ARHGEF12: variants seen among roughly 807,000 people sequenced by gnomAD.
ARHGEF12 encodes the protein Rho guanine nucleotide exchange factor 12.
In ARHGEF12, 66 loss-of-function variants were observed where a neutral mutation model predicts 211.2. That is an observed-to-expected ratio of 0.31 (90% confidence interval 0.26 to 0.38). The LOEUF (loss-of-function observed/expected upper bound fraction) is 0.38. ARHGEF12 is among the 10% of genes least tolerant of loss of function. The probability of loss-of-function intolerance (pLI) is 1.00; values close to 1 mark genes in which losing one functional copy is unlikely to be tolerated. For missense variants in ARHGEF12, 1,429 were observed against 1,869.5 expected (o/e 0.76, Z 4.34); for synonymous variants, 592 against 638.4 (o/e 0.93, Z 1.09).
chr11:120,433,827 A>T (rs926131052), intron 11 of ARHGEF12, among the ~76,000 whole-genome samples: 15 of 152,116 alleles, frequency 9.9e-5, no homozygotes, highest in African/African-American at 3.6e-4. Flanking sequence ...GTGTGGTGGC[A>T]CACGCCTGTA....
chr11:120,486,352 G>A lies in ARHGEF12; in HGVS notation c.*1275G>A, dbSNP rs546980663. On this transcript the variant is annotated 3_prime_UTR_variant, in exon 41 of 41. Transcript: ENST00000397843. The stretch of plus-strand genomic sequence containing the variant: ...AAGCACGTCCTCTGACTTCACTGCC[G>A]CAGCTCTTTCCACACGGGGCCGTGA... 20 of 233,008 alleles carry A rather than the reference G, an allele frequency of 8.6e-5. No individual in the cohort carries two copies. Among genetic ancestry groups the A allele is most frequent in the East Asian group, 4.8e-4 (8 of 16,508 alleles). 14.4% of individuals were successfully genotyped at this position (233,008 alleles called of 1,614,324 possible). A position where few individuals can be genotyped will look rare whatever the true frequency, so the allele number is the denominator to read the frequency against.
At chr11:120,458,039 C>T (rs1946418680) in intron 24 of ARHGEF12, 41 bp from the exon 25 acceptor site, 6 of 1,585,880 alleles carry the variant, frequency 3.8e-6, no homozygotes, top group East Asian at 2.2e-5. Flanking sequence ...TCATTGTCCA[C>T]CTAAAGTCTT....
intron 1 of ARHGEF12, among the ~76,000 whole-genome samples, chr11:120,387,535 A>G (rs1944076101): frequency 6.6e-6 from 1 of 152,136 alleles, no homozygotes; most frequent in Admixed American, 6.5e-5. Context: ...TCTTTCTATT[A>G]CAGTGATCCT....
At chr11:120,474,775 A>G (rs557650545) in intron 32 of ARHGEF12, 140 bp downstream of exon 32, 102 of 602,690 alleles carry the variant, frequency 1.7e-4, no homozygotes, top group Admixed American at 1.1e-3. Flanking sequence ...GTACATTTGT[A>G]GATCTGCTTG....
In ARHGEF12 at chr11:120,378,168, C is replaced by T. The variant is rs192308240; in HGVS notation, c.33-27950C>T. 8.7e-3 allele frequency among the ~76,000 whole-genome samples: 1,327 copies of T among 152,318 alleles called. 22 individuals are homozygous for T. The highest frequency in any genetic ancestry group is 0.03 in the African/African-American group (1,247 of 41,564). ...AAGAGTTTTACTTGTTCTACATCCT[C>T]ATCAACACTTGGTAGTATCAGTCTT... On this transcript the variant is annotated intron_variant, in intron 1 of 40. Coordinates refer to ENST00000397843, the MANE Select transcript of ARHGEF12 (RefSeq NM_015313.3).
intron 4 of ARHGEF12, 116 bp from the exon 5 acceptor site, chr11:120,420,637 A>G (rs1177305420): frequency 2.6e-6 from 2 of 770,118 alleles, no homozygotes; most frequent in African/African-American, 1.7e-5. Flanking sequence ...GTGGATTTAC[A>G]TGTGCTACTT....
intron 1 of ARHGEF12, among the ~76,000 whole-genome samples, chr11:120,386,898 C>T (rs543164590): frequency 6.6e-6 from 1 of 152,166 alleles, no homozygotes; most frequent in East Asian, 1.9e-4. Context: ...AGTGATGAAG[C>T]CTGGGTCAGT....
chr11:120,397,218 C>A (rs1218873152), intron 1 of ARHGEF12, among the ~76,000 whole-genome samples: 2 of 152,210 alleles, frequency 1.3e-5, no homozygotes, highest in African/African-American at 4.8e-5. Context: ...GTCACTTGGG[C>A]ATTAAAATAA....
At chr11:120,338,616 G>T (rs1942431351) in intron 1 of ARHGEF12, among the ~76,000 whole-genome samples, 1 of 152,012 alleles carries the variant, frequency 6.6e-6, no homozygotes, top group Admixed American at 6.5e-5. Context: ...CTTTCTTCTG[G>T]TTATCCCCAT....
At position 120,336,956 on chromosome 11, in the gene ARHGEF12, G is replaced by A; in HGVS notation, c.-288G>A. On this transcript the variant is annotated 5_prime_UTR_variant, in exon 1 of 41. Transcript: ENST00000397843. ...ACTGCGCGCGGATTTCCCTCTCTGAGGAAGTTTATCCTTGTGCCTTCTGGA... is the reference window on the plus strand; with the variant it reads ...ACTGCGCGCGGATTTCCCTCTCTGAAGAAGTTTATCCTTGTGCCTTCTGGA... The A allele has an allele frequency of 2.2e-6, 1 of 449,586 alleles. No homozygotes were observed. The allele number at this position is 449,586 out of a possible 1,614,324, so 27.8% of individuals were successfully genotyped here. A position where few individuals can be genotyped will look rare whatever the true frequency, so the allele number is the denominator to read the frequency against.
chr11:120,380,206 C>T (rs1289613707), intron 1 of ARHGEF12, among the ~76,000 whole-genome samples: 1 of 152,112 alleles, frequency 6.6e-6, no homozygotes, highest in Non-Finnish European at 1.5e-5. Context: ...AGAAAAGTTG[C>T]ATAAATAACA....
rs113229899 is a variant in ARHGEF12 at position 120,454,613 on chromosome 11, G to A, written c.2057-2505G>A. Among the ~76,000 whole-genome samples the A allele has an allele frequency of 6.1e-3, 925 of 151,456 alleles. 13 individuals are homozygous for A. The highest frequency in any genetic ancestry group is 0.021 in the African/African-American group (856 of 40,834). ...AGAGCAGCTTAGCTGCGTGGGTCTC[G>A]GTTGGAGTCTGTCATAAAGTTGCAG... On this transcript the variant is annotated intron_variant, in intron 22 of 40. Coordinates refer to ENST00000397843, the MANE Select transcript of ARHGEF12 (RefSeq NM_015313.3).
chr11:120,421,688 G>C, intron 5 of ARHGEF12, 115 bp from the exon 6 acceptor site: 1 of 887,328 alleles, frequency 1.1e-6, no homozygotes, highest in East Asian at 2.7e-5. Context: ...CGCCCGCCTC[G>C]GCCTCCCAAA....
intron 5 of ARHGEF12, among the ~76,000 whole-genome samples, chr11:120,421,429 GTTTTTTTTTTTTGTT>G (rs1222329063): frequency 2.5e-5 from 2 of 79,858 alleles, no homozygotes; most frequent in African/African-American, 9.6e-5. Context: ...TTACAGCCTT[GTTTTTTTTTTTTGTT>G]TTTTTTTTTT....
intron 1 of ARHGEF12, among the ~76,000 whole-genome samples, chr11:120,360,151 A>G (rs1346487710): frequency 1.3e-5 from 2 of 152,170 alleles, no homozygotes; most frequent in Non-Finnish European, 2.9e-5. Context: ...TGGACATTTC[A>G]GGCTATGTTA....
chr11:120,355,980 A>G (rs1267109445), intron 1 of ARHGEF12, among the ~76,000 whole-genome samples: 2 of 152,170 alleles, frequency 1.3e-5, no homozygotes, highest in African/African-American at 2.4e-5. Flanking sequence ...TTAAAAGGCA[A>G]CCTTCAGACT....
rs547273429 is a variant in ARHGEF12, at chr11:120,488,001, C to T, written c.*2924C>T. On this transcript the variant is annotated 3_prime_UTR_variant, in exon 41 of 41. Transcript: ENST00000397843. ...TTTCATGGGAGGTATATTTTATGAG[C>T]TTTTTGGCTTTCTTTTTTCCCACAG... The T allele has an allele frequency of 2.3e-5, 5 of 222,010 alleles. No individual in the cohort carries two copies. In the East Asian group the frequency reaches 3.3e-4, roughly 15 times the overall value. The allele number at this position is 222,010 out of a possible 1,614,324, so 13.8% of individuals were successfully genotyped here. A position where few individuals can be genotyped will look rare whatever the true frequency, so the allele number is the denominator to read the frequency against.
chr11:120,367,132 C>T (rs1474239063), intron 1 of ARHGEF12, among the ~76,000 whole-genome samples: 1 of 152,032 alleles, frequency 6.6e-6, no homozygotes, highest in African/African-American at 2.4e-5. Flanking sequence ...TTGGTGCTTG[C>T]TTACTCAAGT....
intron 22 of ARHGEF12, among the ~76,000 whole-genome samples, chr11:120,456,585 G>A (rs564072664): frequency 3.7e-4 from 57 of 152,316 alleles, no homozygotes; most frequent in African/African-American, 1.4e-3. Flanking sequence ...AAAAAGGATT[G>A]ATACTGGGAG....
Sources: allele counts gnomAD v4.1 joint callset (sites outside exome capture counted in the v4.1 genomes callset), GRCh38; gene constraint gnomAD v4.1.1; transcripts MANE v1.5; gene names NCBI Gene and HGNC (gene_info 2026-07-23, HGNC 2026-07-21).